The following OLFM3 variants were observed in gnomAD, a reference collection of about 807,000 sequenced individuals.
OLFM3 encodes olfactomedin 3.
A neutral mutation model predicts 48.6 loss-of-function variants in OLFM3; 20 were observed. The ratio of observed to expected loss-of-function variants is 0.41; its 90% CI spans 0.29 to 0.60. The LOEUF (loss-of-function observed/expected upper bound fraction) is 0.60. Ranked by LOEUF, OLFM3 falls within the 20% of genes least tolerant of loss-of-function variation. OLFM3 has a pLI of 0.28. For synonymous variants in OLFM3, 222 were observed against 198.1 expected, an observed-to-expected ratio of 1.12 and a Z score of -1.01; for missense variants, 437 against 544.3, an observed-to-expected ratio of 0.80 and a Z score of 1.96.
At chr1:101,931,361 T>C (rs1002469996) in intron 1 of OLFM3, among the ~76,000 whole-genome samples, 1 of 152,196 alleles carries the variant, frequency 6.6e-6, no homozygotes, top group African/African-American at 2.4e-5. Context: ...CCATTGCTCT[T>C]GTAGAGGGTG....
chr1:101,963,998 A>G (rs1660542519), intron 1 of OLFM3, among the ~76,000 whole-genome samples: 5 of 152,210 alleles, frequency 3.3e-5, no homozygotes, highest in Admixed American at 3.3e-4. Context: ...CCTGGGGCAT[A>G]TGGATATTCA....
At chr1:101,949,899 T>C (rs1282559023) in intron 1 of OLFM3, among the ~76,000 whole-genome samples, 2 of 117,748 alleles carry the variant, frequency 1.7e-5, no homozygotes, top group African/African-American at 3.4e-5. Flanking sequence ...CACTGCACAC[T>C]CCAGCCTGGG....
chr1:101,940,372 G>A (rs1434393522), intron 1 of OLFM3, among the ~76,000 whole-genome samples: 1 of 147,888 alleles, frequency 6.8e-6, no homozygotes, highest in African/African-American at 2.5e-5. Flanking sequence ...CTGCATTCAG[G>A]TTCTTCTCAC....
At chr1:101,995,863 A>G (rs572374787) in intron 1 of OLFM3, among the ~76,000 whole-genome samples, 54 of 152,200 alleles carry the variant, frequency 3.5e-4, no homozygotes, top group Non-Finnish European at 6.8e-4. Flanking sequence ...CTTTTTCACC[A>G]GGTGGCTTAT....
intron 1 of OLFM3, among the ~76,000 whole-genome samples, chr1:101,925,150 A>C (rs1659230517): frequency 6.6e-6 from 1 of 152,116 alleles, no homozygotes; most frequent in Admixed American, 6.5e-5. Flanking sequence ...TGGGAAGGAG[A>C]ATAGAATAGT....
chr1:101,846,361 T>C (rs1655992891), intron 1 of OLFM3, among the ~76,000 whole-genome samples: 1 of 152,184 alleles, frequency 6.6e-6, no homozygotes, highest in African/African-American at 2.4e-5. Flanking sequence ...CATTTATGCT[T>C]AAAAGATGTT....
chr1:101,975,521 T>A (rs1164638654), intron 1 of OLFM3, among the ~76,000 whole-genome samples: 1 of 152,120 alleles, frequency 6.6e-6, no homozygotes, highest in Non-Finnish European at 1.5e-5. Flanking sequence ...GGAACAGGGT[T>A]TTTTGGCAGC....
intron 1 of OLFM3, among the ~76,000 whole-genome samples, chr1:101,892,628 T>A (rs1658046625): frequency 1.3e-5 from 2 of 152,052 alleles, no homozygotes; most frequent in Admixed American, 1.3e-4. Context: ...TTCATTTTAA[T>A]GTCCAAGGCT....
chr1:101,869,956 G>T (rs894169252), intron 1 of OLFM3, among the ~76,000 whole-genome samples: 1 of 152,026 alleles, frequency 6.6e-6, no homozygotes. Context: ...ACCCAGTCTC[G>T]AGCAGTTCTT....
chr1:101,986,090 C>G lies in OLFM3; in HGVS notation c.69+10658G>C, dbSNP rs1288684646. Among the ~76,000 whole-genome samples the G allele has an allele frequency of 2.0e-5, 3 of 151,784 alleles. No homozygotes were observed. In the East Asian group the frequency reaches 5.8e-4, roughly 30 times the overall value. On this transcript the variant is annotated intron_variant, in intron 1 of 5. Coordinates refer to ENST00000370103, the MANE Select transcript of OLFM3 (RefSeq NM_058170.4). ...ACGCCATTCTCCTGCCTCAGCCTCC[C>G]GAGTAGCTGGGACTACAGGCGCCCG...
rs149000490 is a variant in OLFM3 at position 101,947,720 on chromosome 1, T to G, written c.69+49028A>C. 4.5e-4 allele frequency among the ~76,000 whole-genome samples: 68 copies of G among 152,354 alleles called. 1 individual carries two copies. The highest frequency in any genetic ancestry group is 1.6e-3 in the African/African-American group (68 of 41,594). On this transcript the variant is annotated intron_variant, in intron 1 of 5. Transcript: ENST00000370103. The stretch of plus-strand genomic sequence containing the variant: ...CTTTTAGTCATTGATAAAAGTGAGA[T>G]AATGTTCCACAATGGTTCAAGTCCC...
intron 1 of OLFM3, among the ~76,000 whole-genome samples, chr1:101,947,627 A>G (rs79890435): frequency 0.07 from 10,633 of 152,236 alleles, 431 homozygotes; most frequent in South Asian, 0.14. Context: ...TTTTCTAAAA[A>G]TAAAGATAAA....
At position 101,837,111 on chromosome 1, in the gene OLFM3, C is replaced by G. The variant is rs1459326399; in HGVS notation, c.70-86G>C. On this transcript the variant is annotated intron_variant, in intron 1 of 5. Transcript: ENST00000370103. ...GGTTTGTAGCATTTCAAGTAAAACA[C>G]TTTTTTGATAATTTAACTTTGTGTT... 10 of 1,331,056 alleles carry G rather than the reference C, an allele frequency of 7.5e-6. No individual in the cohort carries two copies. In the South Asian group the frequency reaches 1.4e-4, roughly 19 times the overall value. 82.5% of individuals were successfully genotyped at this position (1,331,056 alleles called of 1,614,324 possible).
chr1:101,938,691 T>C (rs755181), intron 1 of OLFM3, among the ~76,000 whole-genome samples: 60,429 of 152,050 alleles, frequency 0.4, 12,289 homozygotes, highest in East Asian at 0.51. Context: ...TTGCTCAGTT[T>C]TGTGTATTGC....
At chr1:101,905,474 A>G (rs2101022553) in intron 1 of OLFM3, among the ~76,000 whole-genome samples, 1 of 152,294 alleles carries the variant, frequency 6.6e-6, no homozygotes, top group Middle Eastern at 3.4e-3. Flanking sequence ...TATATTGCCA[A>G]AAGAGTTGTT....
At chr1:101,961,799 G>C (rs1024878640) in intron 1 of OLFM3, among the ~76,000 whole-genome samples, 2 of 152,070 alleles carry the variant, frequency 1.3e-5, no homozygotes, top group African/African-American at 2.4e-5. Flanking sequence ...GTTTTCACAA[G>C]AGGTAAGTTA....
At chr1:101,934,512 G>C (rs1232498672) in intron 1 of OLFM3, among the ~76,000 whole-genome samples, 1 of 152,038 alleles carries the variant, frequency 6.6e-6, no homozygotes, top group African/African-American at 2.4e-5. Flanking sequence ...GATAACTATA[G>C]CATAACAGTG....
At chr1:101,954,329 G>A (rs1014928509) in intron 1 of OLFM3, among the ~76,000 whole-genome samples, 3 of 152,004 alleles carry the variant, frequency 2.0e-5, no homozygotes, top group Non-Finnish European at 4.4e-5. Context: ...ATGTAGGAAT[G>A]TATAATTTCT....
chr1:101,843,883 CT>C (rs2100937134), intron 1 of OLFM3, among the ~76,000 whole-genome samples: 1 of 152,222 alleles, frequency 6.6e-6, no homozygotes, highest in South Asian at 2.1e-4. Context: ...TTTTTAACCT[CT>C]GCGTATTCCA....
Sources: gnomAD v4.1 joint callset for allele counts (sites outside exome capture counted in the v4.1 genomes callset) on GRCh38, gnomAD v4.1.1 for gene constraint, MANE v1.5 for transcripts, NCBI Gene and HGNC (gene_info 2026-07-23, HGNC 2026-07-21) for gene names.